The following TYR variants were observed in gnomAD, a reference collection of about 807,000 sequenced individuals.
TYR encodes LB24-AB.
In TYR, 58 loss-of-function variants were observed where a neutral mutation model predicts 51.5. That is an observed-to-expected ratio of 1.13 (90% CI 0.91 to 1.40). TYR has a LOEUF of 1.40. TYR is among the 40% of genes most tolerant of loss of function. TYR has a pLI of 0.00. For missense variants in TYR, 732 were observed against 647.4 expected, an observed-to-expected ratio of 1.13 and a Z score of -1.42; for synonymous variants, 263 against 235.2, an observed-to-expected ratio of 1.12 and a Z score of -1.08.
rs527258466 is a variant in TYR, at chr11:89,202,042, G to A, written c.1036+10624G>A. The stretch of plus-strand genomic sequence containing the variant: ...TCAGTAGGTCTGGCAGTGGAAGTGG[G>A]GGTGTTTATGACCTCCAGTGAGCCA... On this transcript the variant is annotated intron_variant, in intron 2 of 4. Coordinates refer to ENST00000263321, the MANE Select transcript of TYR (RefSeq NM_000372.5). 5.9e-5 allele frequency among the ~76,000 whole-genome samples: 9 copies of A among 152,100 alleles called. 1 individual carries two copies. In the South Asian group the frequency reaches 1.9e-3, roughly 32 times the overall value.
chr11:89,274,299 T>G (rs776840868), intron 3 of TYR, among the ~76,000 whole-genome samples: 6 of 151,946 alleles, frequency 3.9e-5, no homozygotes, highest in Non-Finnish European at 7.4e-5. Flanking sequence ...TACACCATAA[T>G]TCACAAATAG....
rs62645920 is a variant in TYR at position 89,284,799 on chromosome 11, A to G, written c.1211A>G (p.His404Arg). ...DSIFEQWLRR[H>R]RPLQEVYPEA... Reference sequence around the variant, plus strand: ...ATTTTTGAGCAGTGGCTCCGAAGGCACCGTCCTCTTCAAGAAGTTTATCCA... The same window carrying G: ...ATTTTTGAGCAGTGGCTCCGAAGGCGCCGTCCTCTTCAAGAAGTTTATCCA... The change falls in exon 4 of 5, where the codon CAC becomes CGC. Residue 404 changes from histidine (H) to arginine (R), a missense_variant. By Grantham distance (29) the His-to-Arg change is conservative. Coordinates refer to ENST00000263321, the MANE Select transcript of TYR (RefSeq NM_000372.5). The G allele has an allele frequency of 6.2e-7, 1 of 1,611,622 alleles. No individual in the cohort carries two copies. The highest frequency in any genetic ancestry group is 1.3e-5 in the African/African-American group (1 of 74,742).
chr11:89,232,641 C>A (rs1358644946), intron 3 of TYR, among the ~76,000 whole-genome samples: 1 of 141,190 alleles, frequency 7.1e-6, no homozygotes, highest in Non-Finnish European at 1.5e-5. Flanking sequence ...CAATCATACC[C>A]AAACTTCAGC....
chr11:89,251,926 G>A (rs1392779515), intron 3 of TYR, among the ~76,000 whole-genome samples: 1 of 151,862 alleles, frequency 6.6e-6, no homozygotes, highest in African/African-American at 2.4e-5. Flanking sequence ...GTATGGAGGT[G>A]AGGGAAGCAG....
chr11:89,278,913 A>G (rs191036534), intron 3 of TYR, among the ~76,000 whole-genome samples: 3 of 151,774 alleles, frequency 2.0e-5, no homozygotes, highest in Admixed American at 2.0e-4. Flanking sequence ...GACCTTCACA[A>G]CTTCGAGGAG....
At chr11:89,244,672 G>A (rs1296521700) in intron 3 of TYR, among the ~76,000 whole-genome samples, 1 of 152,082 alleles carries the variant, frequency 6.6e-6, no homozygotes, top group African/African-American at 2.4e-5. Flanking sequence ...GCAAAAAAAG[G>A]GCTTTAGAAA....
intron 4 of TYR, among the ~76,000 whole-genome samples, chr11:89,285,759 A>G (rs1156648848): frequency 6.6e-5 from 10 of 151,768 alleles, no homozygotes; most frequent in African/African-American, 2.4e-4. Flanking sequence ...CTTTCTCAAA[A>G]TCAAACACCA....
Position 89,191,198 on chromosome 11 carries a change from AC to A in TYR, c.820-3del, listed in dbSNP as rs763374476. 6.2e-7 allele frequency: 1 copy of A among 1,613,306 alleles called. No homozygotes were observed. Among genetic ancestry groups the A allele is most frequent in the Non-Finnish European group, 8.5e-7 (1 of 1,179,524 alleles). On this transcript the variant is annotated splice_polypyrimidine_tract_variant and splice_region_variant and intron_variant, in intron 1 of 4. Coordinates refer to ENST00000263321, the MANE Select transcript of TYR (RefSeq NM_000372.5). ...TTTGTTTAACATGAGGGTGTTTTGT[AC>A]AGATTGTCTGTAGCCGATTGGAGGA...
intron 1 of TYR, among the ~76,000 whole-genome samples, chr11:89,181,396 T>C (rs1320724703): frequency 7.9e-5 from 12 of 152,330 alleles, no homozygotes. Context: ...TTAATGGAGA[T>C]TGTTTTGGTA....
intron 3 of TYR, among the ~76,000 whole-genome samples, chr11:89,254,072 A>G (rs1179126715): frequency 2.0e-5 from 3 of 151,816 alleles, no homozygotes; most frequent in East Asian, 3.9e-4. Context: ...TTCTGCATCT[A>G]TTGAGATGAT....
intron 2 of TYR, among the ~76,000 whole-genome samples, chr11:89,216,273 T>C (rs1943830595): frequency 1.3e-5 from 2 of 152,186 alleles, no homozygotes; most frequent in Admixed American, 6.5e-5. Flanking sequence ...ATATGACTTG[T>C]ATGTATACTA....
At chr11:89,248,733 A>C (rs1424219412) in intron 3 of TYR, among the ~76,000 whole-genome samples, 1 of 152,160 alleles carries the variant, frequency 6.6e-6, no homozygotes, top group Non-Finnish European at 1.5e-5. Flanking sequence ...TATTGTGACA[A>C]ATAGACTGTT....
chr11:89,198,881 G>C (rs1158282155), intron 2 of TYR, among the ~76,000 whole-genome samples: 2 of 151,880 alleles, frequency 1.3e-5, no homozygotes, highest in Non-Finnish European at 2.9e-5. Flanking sequence ...ATTTACCTTA[G>C]GTATATCTCC....
At chr11:89,251,639 T>C (rs763612655) in intron 3 of TYR, among the ~76,000 whole-genome samples, 2 of 151,886 alleles carry the variant, frequency 1.3e-5, no homozygotes, top group Non-Finnish European at 2.9e-5. Context: ...GTTTTGTTTC[T>C]GTTTTTTTAG....
intron 4 of TYR, among the ~76,000 whole-genome samples, chr11:89,289,214 C>A (rs548107702): frequency 6.6e-6 from 1 of 152,134 alleles, no homozygotes; most frequent in African/African-American, 2.4e-5. Flanking sequence ...CCATACATTA[C>A]AAAAGACCTG....
chr11:89,194,545 G>A (rs951934702), intron 2 of TYR, among the ~76,000 whole-genome samples: 1 of 152,054 alleles, frequency 6.6e-6, no homozygotes, highest in East Asian at 1.9e-4. Context: ...TTCTACAGTT[G>A]GCATCGTCGA....
chr11:89,222,073 G>A (rs1020230598), intron 2 of TYR, among the ~76,000 whole-genome samples: 3 of 152,204 alleles, frequency 2.0e-5, no homozygotes, highest in Non-Finnish European at 4.4e-5. Context: ...TTACCAGGAA[G>A]AAAATATGTC....
intron 2 of TYR, among the ~76,000 whole-genome samples, chr11:89,206,537 T>G (rs1943674576): frequency 6.6e-6 from 1 of 152,130 alleles, no homozygotes; most frequent in Non-Finnish European, 1.5e-5. Flanking sequence ...AATTCACAAT[T>G]ACAGTTGGAG....
At chr11:89,207,259 T>C (rs1482702892) in intron 2 of TYR, among the ~76,000 whole-genome samples, 3 of 151,958 alleles carry the variant, frequency 2.0e-5, no homozygotes, top group Non-Finnish European at 4.4e-5. Context: ...AAGACACAAA[T>C]TACCAATATC....
Sources: gnomAD v4.1 joint callset for allele counts (sites outside exome capture counted in the v4.1 genomes callset) on GRCh38, gnomAD v4.1.1 for gene constraint, MANE v1.5 for transcripts, NCBI Gene and HGNC (gene_info 2026-07-23, HGNC 2026-07-21) for gene names.